Variants in GRIA3 observed in about 807,000 individuals in gnomAD.
The protein encoded by GRIA3 is glutamate receptor 3.
Under a neutral mutation model 63.0 loss-of-function variants are expected in GRIA3, and 3 were observed. That is an observed-to-expected ratio of 0.05 (90% confidence interval 0.02 to 0.12). The LOEUF (loss-of-function observed/expected upper bound fraction) is 0.12, where lower values mean the gene tolerates loss of function less well. Among genes scored for constraint, GRIA3 ranks in the 10% least tolerant of loss-of-function variants. The probability of loss-of-function intolerance (pLI) is 1.00; values close to 1 mark genes in which losing one functional copy is unlikely to be tolerated. For missense variants in GRIA3, 347 were observed against 700.9 expected (o/e 0.50, Z 5.70); for synonymous variants, 274 against 257.9 (o/e 1.06, Z -0.60).
intron 3 of GRIA3, among the ~76,000 whole-genome samples, chrX:123,280,367 T>C (rs2044579022): frequency 8.9e-6 from 1 of 112,435 alleles, no homozygotes; most frequent in Non-Finnish European, 1.9e-5. Flanking sequence ...TTTTTTGTGG[T>C]GCTTTTGGGT....
At chrX:123,219,035 G>T (rs190400447) in intron 2 of GRIA3, among the ~76,000 whole-genome samples, 1 of 111,936 alleles carries the variant, frequency 8.9e-6, no homozygotes, top group African/African-American at 3.2e-5. Flanking sequence ...GTGTAACGGG[G>T]TGCTGCTTGA....
intron 5 of GRIA3, among the ~76,000 whole-genome samples, chrX:123,382,893 T>C (rs774878957): frequency 1.9e-4 from 21 of 111,952 alleles, no homozygotes; most frequent in Non-Finnish European, 3.8e-4. Flanking sequence ...TGAGAGATAC[T>C]GCTTTCTAGT....
At chrX:123,255,859 C>A (rs1170848691) in intron 3 of GRIA3, among the ~76,000 whole-genome samples, 3 of 110,776 alleles carry the variant, frequency 2.7e-5, no homozygotes, top group African/African-American at 6.6e-5. Flanking sequence ...CCTTGAAAAG[C>A]CTTCTTACAT....
chrX:123,211,806 T>A (rs1460425447), intron 2 of GRIA3, among the ~76,000 whole-genome samples: 1 of 111,633 alleles, frequency 9.0e-6, no homozygotes, highest in Admixed American at 9.5e-5. Context: ...ACTGCCACTC[T>A]CGCTCTTTCT....
At chrX:123,450,052 T>C in intron 12 of GRIA3, among the ~76,000 whole-genome samples, 1 of 112,390 alleles carries the variant, frequency 8.9e-6, no homozygotes, top group East Asian at 2.8e-4. Context: ...ATCTACTTTA[T>C]TGAAGACTTA....
intron 2 of GRIA3, among the ~76,000 whole-genome samples, chrX:123,201,632 G>A (rs1927743574): frequency 9.1e-6 from 1 of 110,206 alleles, no homozygotes; most frequent in Admixed American, 9.7e-5. Flanking sequence ...TAGAATTCAT[G>A]TCTCTTGATT....
chrX:123,203,705 G>T (rs751133744), intron 2 of GRIA3, among the ~76,000 whole-genome samples: 4 of 111,934 alleles, frequency 3.6e-5, no homozygotes, highest in Non-Finnish European at 7.5e-5. Context: ...AGGTAGAACT[G>T]GTTAGATACA....
intron 1 of GRIA3, chrX:123,185,076 G>C: frequency 3.2e-6 from 1 of 315,052 alleles, no homozygotes; most frequent in Non-Finnish European, 6.2e-6. Flanking sequence ...ACCCGGGCCC[G>C]GGGTGCTCAG....
At chrX:123,446,769 T>G (rs1381236241) in intron 12 of GRIA3, among the ~76,000 whole-genome samples, 1 of 111,423 alleles carries the variant, frequency 9.0e-6, no homozygotes, top group East Asian at 2.8e-4. Flanking sequence ...CAGGTAAGGA[T>G]AGGGGTGGGA....
intron 5 of GRIA3, among the ~76,000 whole-genome samples, chrX:123,359,172 A>G (rs1034277369): frequency 2.9e-4 from 32 of 112,149 alleles, no homozygotes; most frequent in Non-Finnish European, 1.3e-4. Flanking sequence ...CTTTTAACTT[A>G]TTAGTTTTGA....
chrX:123,211,073 T>C (rs1928030211), intron 2 of GRIA3, among the ~76,000 whole-genome samples: 1 of 111,873 alleles, frequency 8.9e-6, no homozygotes, highest in Non-Finnish European at 1.9e-5. Context: ...AAAAATAATA[T>C]ATTTGACAGC....
intron 5 of GRIA3, among the ~76,000 whole-genome samples, chrX:123,389,640 T>G (rs898825140): frequency 3.6e-5 from 4 of 111,612 alleles, no homozygotes; most frequent in East Asian, 2.8e-4. Context: ...AGCATATAGC[T>G]GGATCATTTT....
intron 12 of GRIA3, among the ~76,000 whole-genome samples, chrX:123,434,566 T>A (rs1300232635): frequency 9.0e-6 from 1 of 111,706 alleles, no homozygotes; most frequent in African/African-American, 3.3e-5. Flanking sequence ...GATGCTGTCT[T>A]ATTTTTTTTT....
intron 4 of GRIA3, among the ~76,000 whole-genome samples, chrX:123,350,045 T>C (rs1440308376): frequency 9.0e-6 from 1 of 110,871 alleles, no homozygotes; most frequent in Middle Eastern, 4.2e-3. Context: ...CAGGAAAAAA[T>C]GAAGGGGGCT....
At chrX:123,257,244 C>T (rs2044424660) in intron 3 of GRIA3, among the ~76,000 whole-genome samples, 1 of 111,983 alleles carries the variant, frequency 8.9e-6, no homozygotes, top group Non-Finnish European at 1.9e-5. Context: ...TAGATTTATA[C>T]TTTGTGCCTC....
intron 2 of GRIA3, among the ~76,000 whole-genome samples, chrX:123,196,976 T>G (rs1001904544): frequency 8.9e-6 from 1 of 112,293 alleles, no homozygotes; most frequent in Middle Eastern, 4.2e-3. Context: ...TGAAGTCTTA[T>G]GAAATAAACT....
chrX:123,185,519 G>C (rs1927245170), intron 1 of GRIA3, among the ~76,000 whole-genome samples: 1 of 101,209 alleles, frequency 9.9e-6, no homozygotes, highest in Non-Finnish European at 2.0e-5. Context: ...GGGGGGGGGC[G>C]ACTAAAAAAA....
intron 3 of GRIA3, among the ~76,000 whole-genome samples, chrX:123,289,972 T>C (rs1428033981): frequency 1.8e-5 from 2 of 111,840 alleles, no homozygotes; most frequent in African/African-American, 6.5e-5. Context: ...TGGAGATATT[T>C]CAAAGCCATT....
At chrX:123,356,475 G>A (rs1031515389) in intron 5 of GRIA3, among the ~76,000 whole-genome samples, 10 of 110,991 alleles carry the variant, frequency 9.0e-5, no homozygotes, top group African/African-American at 1.6e-4. Flanking sequence ...GTATACGCAC[G>A]CAAACTTTTT....
Sources: allele counts gnomAD v4.1 joint callset (sites outside exome capture counted in the v4.1 genomes callset), GRCh38; gene constraint gnomAD v4.1.1; transcripts MANE v1.5; gene names NCBI Gene and HGNC (gene_info 2026-07-23, HGNC 2026-07-21).